The following SMOX variants were observed in gnomAD, a reference collection of about 807,000 sequenced individuals.
SMOX encodes the protein spermine oxidase, also known as flavin containing amine oxidase.
A neutral mutation model predicts 51.0 loss-of-function variants in SMOX; 22 were observed. The ratio of observed to expected loss-of-function variants is 0.43; its 90% CI spans 0.31 to 0.62. The LOEUF is 0.62. Among genes scored for constraint, SMOX ranks in the 20% least tolerant of loss-of-function variants. The pLI is 0.10. For missense variants in SMOX, 566 were observed against 777.7 expected (o/e 0.73, Z 3.24); for synonymous variants, 282 against 307.8 (o/e 0.92, Z 0.88).
At chr20:4,165,755 ACT>A (rs1986545584) in intron 1 of SMOX, among the ~76,000 whole-genome samples, 1 of 151,592 alleles carries the variant, frequency 6.6e-6, no homozygotes, top group Admixed American at 6.6e-5. Flanking sequence ...GTGCTAACAG[ACT>A]CTCCCAAGGC....
intron 1 of SMOX, among the ~76,000 whole-genome samples, chr20:4,173,689 C>T (rs913714995): frequency 2.5e-4 from 38 of 152,204 alleles, no homozygotes; most frequent in African/African-American, 9.2e-4. Flanking sequence ...CACCTTCCGC[C>T]CACATTTGTT....
chr20:4,161,027 A>G (rs1184079998), intron 1 of SMOX, among the ~76,000 whole-genome samples: 2 of 152,230 alleles, frequency 1.3e-5, no homozygotes, highest in Non-Finnish European at 2.9e-5. Flanking sequence ...CTGAGCTCAC[A>G]GGCCTCAGTT....
intron 1 of SMOX, among the ~76,000 whole-genome samples, chr20:4,165,917 G>A (rs1209935111): frequency 6.6e-6 from 1 of 152,230 alleles, no homozygotes; most frequent in Non-Finnish European, 1.5e-5. Context: ...GGGGAAGAAT[G>A]TGGGTTCTGC....
rs1156266405 is a variant in SMOX, at chr20:4,182,614, C to G, written c.1135C>G (p.Pro379Ala). 6.2e-7 allele frequency: 1 copy of G among 1,613,946 alleles called. No homozygotes were observed. Among genetic ancestry groups the G allele is most frequent in the Non-Finnish European group, 8.5e-7 (1 of 1,180,012 alleles). The change falls in exon 5 of 7, where the codon CCT becomes GCT. Residue 379 changes from proline (P) to alanine (A), a missense_variant. Pro to Ala is a conservative substitution (Grantham distance 27). Around this residue, in one of 3 missense-constraint regions of SMOX, gnomAD observed 347 missense variants for 481.8 expected, o/e 0.72. Transcript: ENST00000305958. This position sits in a 1 kb window ranked among gnomAD's most constrained non-coding sequence, Gnocchi z 8.4. ...FLEFEEPFWG[P>A]ECNSLQFVWE... ...GGAATTCGAGGAGCCCTTCTGGGGCCCTGAGTGCAACAGCCTACAGTTTGT... is the reference window on the plus strand; with the variant it reads ...GGAATTCGAGGAGCCCTTCTGGGGCGCTGAGTGCAACAGCCTACAGTTTGT...
rs1240159183 is a variant in SMOX at position 4,175,114 on chromosome 20, G to A, written c.59G>A (p.Arg20Gln). 7 of 1,614,250 alleles carry A rather than the reference G, an allele frequency of 4.3e-6. No homozygotes were observed. The highest frequency in any genetic ancestry group is 2.2e-5 in the East Asian group (1 of 44,888). The change falls in exon 2 of 7, where the codon CGG becomes CAG. Residue 20 changes from arginine to glutamine, a missense_variant. Arg to Gln is a conservative substitution (Grantham distance 43). Transcript: ENST00000305958. ...GATGACCCTCTCAGTCGCGGCCTAC[G>A]GAGAAGGGGACAGCCTCGTGTGGTG... is the stretch of plus-strand genomic sequence containing the variant. ...SADDPLSRGL[R>Q]RRGQPRVVVI...
At chr20:4,158,571 G>A (rs1986148978) in intron 1 of SMOX, among the ~76,000 whole-genome samples, 1 of 152,156 alleles carries the variant, frequency 6.6e-6, no homozygotes, top group South Asian at 2.1e-4. Flanking sequence ...ACTTGGAAGT[G>A]AGTTGCAATT....
intron 1 of SMOX, among the ~76,000 whole-genome samples, chr20:4,163,069 G>A (rs1244203771): frequency 6.6e-6 from 1 of 152,168 alleles, no homozygotes; most frequent in East Asian, 1.9e-4. Context: ...GGGAGCTTGG[G>A]CACTGCCTGG....
In SMOX at chr20:4,181,663, A is replaced by G. The variant is rs1313742067; in HGVS notation, c.436-140A>G. 7 of 1,035,758 alleles carry G rather than the reference A, an allele frequency of 6.8e-6. No homozygotes were observed. The highest frequency in any genetic ancestry group is 9.8e-6 in the Non-Finnish European group (7 of 716,030). The allele number at this position is 1,035,758 out of a possible 1,614,324, so 64.2% of individuals were successfully genotyped here. A position where few individuals can be genotyped will look rare whatever the true frequency, so the allele number is the denominator to read the frequency against. ...CTTTTGGTGCAGCATTGAGTGCAAC[A>G]TCGGATCCCTAAGGGACAGAGACCA... On this transcript the variant is annotated intron_variant, in intron 3 of 6. Transcript: ENST00000305958. This position sits in a 1 kb window ranked among gnomAD's most constrained non-coding sequence, Gnocchi z 5.6.
chr20:4,152,507 T>C (rs755999414), intron 1 of SMOX, among the ~76,000 whole-genome samples: 16 of 151,206 alleles, frequency 1.1e-4, no homozygotes, highest in Non-Finnish European at 2.1e-4. Context: ...AGCTGACCCC[T>C]GGACAGGGGG....
intron 1 of SMOX, among the ~76,000 whole-genome samples, chr20:4,156,803 C>T (rs1632646): frequency 0.35 from 53,110 of 152,028 alleles, 9,649 homozygotes; most frequent in Admixed American, 0.44. Context: ...AGTGCAGTGG[C>T]GCAATCTCAG....
chr20:4,169,230 T>G lies in SMOX; in HGVS notation c.-26-5800T>G, dbSNP rs371487881. On this transcript the variant is annotated intron_variant, in intron 1 of 6. Coordinates refer to ENST00000305958, the MANE Select transcript of SMOX (RefSeq NM_175839.3). ...TTGTCCAGGCTGGTCTCTTAACTCC[T>G]GAGCTCAAGTGATCCTCCCACCTTG... 2.0e-5 allele frequency among the ~76,000 whole-genome samples: 3 copies of G among 152,170 alleles called. No homozygotes were observed. In the East Asian group the frequency reaches 5.8e-4, roughly 29 times the overall value.
At chr20:4,163,753 AG>A (rs1263768461) in intron 1 of SMOX, among the ~76,000 whole-genome samples, 1 of 152,084 alleles carries the variant, frequency 6.6e-6, no homozygotes, top group Non-Finnish European at 1.5e-5. Context: ...TGTTGATGGG[AG>A]GGCTCAGTTC....
At chr20:4,165,727 G>A (rs1986544164) in intron 1 of SMOX, among the ~76,000 whole-genome samples, 1 of 152,122 alleles carries the variant, frequency 6.6e-6, no homozygotes, top group African/African-American at 2.4e-5. Flanking sequence ...TTTGACAAAT[G>A]GGGAAAATGA....
rs200733268 is a variant in SMOX, at chr20:4,177,603, C to T, written c.435+26C>T. 35 of 1,557,882 alleles carry T rather than the reference C, an allele frequency of 2.2e-5. No individual in the cohort carries two copies. Among genetic ancestry groups the T allele is most frequent in the Admixed American group, 5.8e-5 (3 of 51,932 alleles). On this transcript the variant is annotated intron_variant, in intron 3 of 6. Transcript: ENST00000305958. The surrounding 1 kb of genome is among the most constrained non-coding windows in gnomAD (Gnocchi z 4.3). Reference sequence around the variant, plus strand: ...GTAAGGTGTGAGCAGAGTAGCTGGGCGTAAGGGCATGGGGAGACCTGGGAG... The same window carrying T: ...GTAAGGTGTGAGCAGAGTAGCTGGGTGTAAGGGCATGGGGAGACCTGGGAG...
rs1459119321 is a variant in SMOX at position 4,172,184 on chromosome 20, A to T, written c.-26-2846A>T. On this transcript the variant is annotated intron_variant, in intron 1 of 6. Coordinates refer to ENST00000305958, the MANE Select transcript of SMOX (RefSeq NM_175839.3). The surrounding 1 kb of genome is among the most constrained non-coding windows in gnomAD (Gnocchi z 7.7). ...CTGCAGCCATCCCTTTCCGTAGTGG[A>T]TAGGAGACTGTGTGTGGGGTGGCCT... Among the ~76,000 whole-genome samples the T allele has an allele frequency of 6.6e-6, 1 of 152,246 alleles. No homozygotes were observed. Among genetic ancestry groups the T allele is most frequent in the East Asian group, 1.9e-4 (1 of 5,196 alleles).
At chr20:4,171,706 G>A (rs563141272) in intron 1 of SMOX, 3 of 152,440 alleles carry the variant, frequency 2.0e-5, no homozygotes, top group African/African-American at 7.2e-5. Flanking sequence ...GGGAGCTGGG[G>A]GTTCTTTCTG....
rs1979304520 is a variant in SMOX, at chr20:4,181,353, C to T, written c.436-450C>T. Among the ~76,000 whole-genome samples, 2 of 152,194 alleles carry T rather than the reference C, an allele frequency of 1.3e-5. No individual in the cohort carries two copies. The highest frequency in any genetic ancestry group is 4.8e-5 in the African/African-American group (2 of 41,448). On this transcript the variant is annotated intron_variant, in intron 3 of 6. Coordinates refer to ENST00000305958, the MANE Select transcript of SMOX (RefSeq NM_175839.3). This position sits in a 1 kb window ranked among gnomAD's most constrained non-coding sequence, Gnocchi z 5.6. ...TGGCCAGGCCACAGCTCCAGACTGC[C>T]CTCTTGGGAGCGGGCAAAGCAGACA...
At chr20:4,157,737 A>G (rs1293068781) in intron 1 of SMOX, among the ~76,000 whole-genome samples, 2 of 151,914 alleles carry the variant, frequency 1.3e-5, no homozygotes, top group Admixed American at 1.3e-4. Flanking sequence ...CTTCATGGAC[A>G]TGAAGCTGGG....
At position 4,183,310 on chromosome 20, in the gene SMOX, T is replaced by A; in HGVS notation, c.1370-184T>A. On this transcript the variant is annotated intron_variant, in intron 5 of 6. Transcript: ENST00000305958. The surrounding 1 kb of genome is among the most constrained non-coding windows in gnomAD (Gnocchi z 4.3). ...TTTTGCCGGGGGTCACAGGAGGCGC[T>A]GAGTGGGTACACAGCTCGAGCCCCA... 1 of 779,122 alleles carries A rather than the reference T, an allele frequency of 1.3e-6. No individual in the cohort carries two copies. The allele number at this position is 779,122 out of a possible 1,614,324, so 48.3% of individuals were successfully genotyped here.
Sources: gnomAD v4.1 joint callset for allele counts (sites outside exome capture counted in the v4.1 genomes callset) on GRCh38, gnomAD v4.1.1 for gene constraint, gnomAD v4.1.1 regional missense constraint, Gnocchi (gnomAD v3.1) non-coding constraint, MANE v1.5 for transcripts, NCBI Gene and HGNC (gene_info 2026-07-23, HGNC 2026-07-21) for gene names.